Variants in SRGAP3 observed in about 807,000 individuals in gnomAD.
SRGAP3 encodes the protein SLIT-ROBO Rho GTPase activating protein 3, also known as SLIT-ROBO Rho GTPase-activating protein 3.
SRGAP3 carries 39 observed loss-of-function variants against 121.1 expected under a neutral mutation model. The observed-to-expected ratio is 0.32, with a 90% CI of 0.25 to 0.42. The LOEUF (loss-of-function observed/expected upper bound fraction) is 0.42, where lower values mean the gene tolerates loss of function less well. SRGAP3 is among the 10% of genes least tolerant of loss of function. The pLI, the probability that SRGAP3 is intolerant of heterozygous loss-of-function variation, is 1.00. For synonymous variants in SRGAP3, 601 were observed against 570.0 expected, an observed-to-expected ratio of 1.05 and a Z score of -0.77; for missense variants, 1,213 against 1,470.6, an observed-to-expected ratio of 0.82 and a Z score of 2.86.
chr3:9,180,974 A>T (rs1408134576), intron 1 of SRGAP3, among the ~76,000 whole-genome samples: 2 of 152,198 alleles, frequency 1.3e-5, no homozygotes, highest in Non-Finnish European at 2.9e-5. Flanking sequence ...CAGACAACAG[A>T]TGTCTGGAGA....
At chr3:9,078,933 T>C (rs1347407241) in intron 4 of SRGAP3, among the ~76,000 whole-genome samples, 1 of 152,212 alleles carries the variant, frequency 6.6e-6, no homozygotes, top group Non-Finnish European at 1.5e-5. Context: ...AAAAATGCCT[T>C]GCCTAGAGTT....
chr3:9,224,465 A>T (rs1952920874), intron 1 of SRGAP3, among the ~76,000 whole-genome samples: 1 of 152,126 alleles, frequency 6.6e-6, no homozygotes, highest in Non-Finnish European at 1.5e-5. Context: ...TTCTCCCCCC[A>T]TGCAGACTCC....
chr3:9,028,179 T>C, intron 12 of SRGAP3: 2 of 1,611,470 alleles, frequency 1.2e-6, no homozygotes, highest in Non-Finnish European at 1.7e-6. Context: ...AAAGAAAAGA[T>C]TATGCAGGAA....
At position 9,145,661 on chromosome 3, in the gene SRGAP3, T is replaced by C. The variant is rs1575141635; in HGVS notation, c.68-20744A>G. The stretch of plus-strand genomic sequence containing the variant: ...GAGGAATTCGGCAGACACTAACAAA[T>C]ACAAAAAATCACAACATTACAATGA... On this transcript the variant is annotated intron_variant, in intron 1 of 21. Transcript: ENST00000383836. Among the ~76,000 whole-genome samples the C allele has an allele frequency of 3.9e-5, 6 of 151,930 alleles. 1 individual carries two copies. Among genetic ancestry groups the C allele is most frequent in the Admixed American group, 3.9e-4 (6 of 15,288 alleles).
At chr3:9,293,586 A>T (rs937115762) in intron 3 of SRGAP3, among the ~76,000 whole-genome samples, 22 of 152,236 alleles carry the variant, frequency 1.4e-4, no homozygotes, top group African/African-American at 5.1e-4. Flanking sequence ...CAAACCATGC[A>T]TCCGACAAAG....
chr3:9,322,407 C>T (rs1374130280), intron 3 of SRGAP3, among the ~76,000 whole-genome samples: 1 of 151,708 alleles, frequency 6.6e-6, no homozygotes, highest in Admixed American at 6.6e-5. Flanking sequence ...TCTATGAAAC[C>T]CTGGTGATGT....
intron 1 of SRGAP3, among the ~76,000 whole-genome samples, chr3:9,356,583 C>T (rs1467101219): frequency 9.2e-5 from 14 of 151,904 alleles, no homozygotes; most frequent in Admixed American, 9.2e-4. Context: ...CCGTGTTAGC[C>T]AGGATGGTCT....
intron 2 of SRGAP3, among the ~76,000 whole-genome samples, chr3:9,118,540 A>G (rs536730997): frequency 2.2e-3 from 331 of 152,300 alleles, no homozygotes; most frequent in Non-Finnish European, 3.4e-3. Context: ...GCAGTGGATT[A>G]TGGATTTGAC....
At chr3:9,112,653 G>A (rs777933812) in intron 2 of SRGAP3, among the ~76,000 whole-genome samples, 4 of 152,180 alleles carry the variant, frequency 2.6e-5, no homozygotes, top group Non-Finnish European at 4.4e-5. Context: ...GGAGCATCAG[G>A]GGACCCTGGG....
At chr3:9,300,792 G>A (rs1197020563) in intron 3 of SRGAP3, among the ~76,000 whole-genome samples, 2 of 152,208 alleles carry the variant, frequency 1.3e-5, no homozygotes, top group Admixed American at 6.5e-5. Flanking sequence ...TGGGTGGTGG[G>A]TAGTGGACAA....
chr3:9,187,561 G>C (rs573414034), intron 1 of SRGAP3, among the ~76,000 whole-genome samples: 1 of 152,288 alleles, frequency 6.6e-6, no homozygotes, highest in Non-Finnish European at 1.5e-5. Flanking sequence ...GGGAAGAATA[G>C]CTTAAGAAGT....
intron 3 of SRGAP3, among the ~76,000 whole-genome samples, chr3:9,101,571 G>C (rs1948215835): frequency 6.6e-6 from 1 of 152,194 alleles, no homozygotes; most frequent in South Asian, 2.1e-4. Context: ...CAGCGGGTGG[G>C]GCTGACTGTA....
intron 1 of SRGAP3, among the ~76,000 whole-genome samples, chr3:9,162,144 G>C (rs1270326624): frequency 6.6e-6 from 1 of 152,104 alleles, no homozygotes; most frequent in African/African-American, 2.4e-5. Flanking sequence ...AGGAGTGCTG[G>C]GTGCCAGGGA....
chr3:9,045,438 C>A (rs1006089383), intron 10 of SRGAP3, among the ~76,000 whole-genome samples: 1 of 151,838 alleles, frequency 6.6e-6, no homozygotes, highest in Non-Finnish European at 1.5e-5. Flanking sequence ...TAGAGCAAGG[C>A]GTAGTTGAAG....
At chr3:9,304,998 T>C (rs908303619) in intron 3 of SRGAP3, among the ~76,000 whole-genome samples, 2 of 152,172 alleles carry the variant, frequency 1.3e-5, no homozygotes, top group South Asian at 2.1e-4. Flanking sequence ...CAGAGGTTGT[T>C]CCATCTCCAT....
At chr3:9,255,847 G>C (rs756661432) in intron 3 of SRGAP3, among the ~76,000 whole-genome samples, 14 of 152,166 alleles carry the variant, frequency 9.2e-5, no homozygotes, top group Non-Finnish European at 1.5e-4. Flanking sequence ...TTCTCATTTA[G>C]TATCATGATC....
At chr3:9,343,581 G>A (rs1428722665) in intron 1 of SRGAP3, among the ~76,000 whole-genome samples, 2 of 152,130 alleles carry the variant, frequency 1.3e-5, no homozygotes, top group African/African-American at 4.8e-5. Flanking sequence ...ATTACTAGTA[G>A]CATTGTATTA....
chr3:9,009,768 A>C (rs1259576669), intron 18 of SRGAP3, among the ~76,000 whole-genome samples: 1 of 152,094 alleles, frequency 6.6e-6, no homozygotes, highest in East Asian at 1.9e-4. Context: ...TCCCAGGATC[A>C]TCACCCTTTG....
At chr3:9,027,263 C>G (rs965481272) in intron 12 of SRGAP3, among the ~76,000 whole-genome samples, 2 of 152,228 alleles carry the variant, frequency 1.3e-5, no homozygotes, top group African/African-American at 4.8e-5. Context: ...CTCAGGAGGC[C>G]TGGCAGGCCC....
Sources: gnomAD v4.1 joint callset for allele counts (sites outside exome capture counted in the v4.1 genomes callset) on GRCh38, gnomAD v4.1.1 for gene constraint, MANE v1.5 for transcripts, NCBI Gene and HGNC (gene_info 2026-07-23, HGNC 2026-07-21) for gene names.